Variants in GTF2E2 observed in about 807,000 individuals in gnomAD.
The protein encoded by GTF2E2 is general transcription factor IIE subunit 2, also known as transcription initiation factor IIE subunit beta.
GTF2E2 carries 21 observed loss-of-function variants against 40.5 expected under a neutral mutation model. The observed-to-expected ratio is 0.52, with a 90% CI of 0.37 to 0.75. The LOEUF (loss-of-function observed/expected upper bound fraction) is 0.75. Ranked by LOEUF, GTF2E2 falls within the 30% of genes least tolerant of loss-of-function variation. GTF2E2 has a pLI of 0.00. For missense variants in GTF2E2, 298 were observed against 338.4 expected (o/e 0.88, Z 0.94); for synonymous variants, 117 against 121.6 (o/e 0.96, Z 0.25).
At chr8:30,651,294 T>C (rs1802268571) in intron 2 of GTF2E2, among the ~76,000 whole-genome samples, 1 of 151,872 alleles carries the variant, frequency 6.6e-6, no homozygotes, top group African/African-American at 2.4e-5. Context: ...TAGAAAATCC[T>C]AGGGAAACCA....
At chr8:30,651,142 A>G (rs1802262878) in intron 2 of GTF2E2, among the ~76,000 whole-genome samples, 1 of 152,184 alleles carries the variant, frequency 6.6e-6, no homozygotes, top group Non-Finnish European at 1.5e-5. Flanking sequence ...TGCCCCTAAG[A>G]TCAGGAACAA....
At chr8:30,581,044 A>G (rs1248704549) in intron 6 of GTF2E2, among the ~76,000 whole-genome samples, 1 of 152,170 alleles carries the variant, frequency 6.6e-6, no homozygotes, top group African/African-American at 2.4e-5. Flanking sequence ...ACCAAGAGAG[A>G]CCACAATTGG....
At chr8:30,588,220 A>G (rs1483113316) in intron 6 of GTF2E2, among the ~76,000 whole-genome samples, 2 of 152,178 alleles carry the variant, frequency 1.3e-5, no homozygotes, top group Non-Finnish European at 2.9e-5. Flanking sequence ...CCACTTCTGG[A>G]TATTTATTCT....
intron 3 of GTF2E2, among the ~76,000 whole-genome samples, chr8:30,633,238 G>T (rs976104933): frequency 5.9e-5 from 9 of 152,000 alleles, no homozygotes; most frequent in Non-Finnish European, 4.4e-5. Flanking sequence ...ATCAATAAAT[G>T]ATTTGAAAGA....
chr8:30,607,238 A>C, intron 5 of GTF2E2, 88 bp from the exon 6 acceptor site: 1 of 550,948 alleles, frequency 1.8e-6, no homozygotes, highest in Non-Finnish European at 3.2e-6. Flanking sequence ...AAGGAGTTTC[A>C]TTTCCTTAAC....
chr8:30,619,938 A>C (rs1203860068), intron 3 of GTF2E2, among the ~76,000 whole-genome samples: 1 of 151,990 alleles, frequency 6.6e-6, no homozygotes, highest in African/African-American at 2.4e-5. Context: ...TGTCCCTTAA[A>C]AGGGAAAGAG....
Position 30,607,014 on chromosome 8 carries a change from T to A in GTF2E2, c.643+43A>T, listed in dbSNP as rs775719207. ...AATATTAATTTTACCACCCTAAAAT[T>A]GTAATATACTTGCAAACTAAAGTAT... On this transcript the variant is annotated intron_variant, in intron 6 of 7. Coordinates refer to ENST00000355904, the MANE Select transcript of GTF2E2 (RefSeq NM_002095.6). 3 of 706,582 alleles carry A rather than the reference T, an allele frequency of 4.2e-6. No individual in the cohort carries two copies. In the Admixed American group the frequency reaches 8.0e-5, roughly 19 times the overall value. 43.8% of individuals were successfully genotyped at this position (706,582 alleles called of 1,614,324 possible).
At chr8:30,620,074 T>A (rs957460753) in intron 3 of GTF2E2, among the ~76,000 whole-genome samples, 9 of 152,046 alleles carry the variant, frequency 5.9e-5, no homozygotes, top group Admixed American at 3.9e-4. Context: ...CTCCCCTTTA[T>A]GTCTCCAGAA....
At chr8:30,596,246 C>T (rs1422030935) in intron 6 of GTF2E2, among the ~76,000 whole-genome samples, 3 of 152,126 alleles carry the variant, frequency 2.0e-5, no homozygotes, top group African/African-American at 7.2e-5. Flanking sequence ...GCCCCGTTTT[C>T]TTTCTTTTCC....
chr8:30,620,765 C>CAAAAA (rs754974238), intron 3 of GTF2E2, among the ~76,000 whole-genome samples: 1 of 131,156 alleles, frequency 7.6e-6, no homozygotes, highest in Non-Finnish European at 1.6e-5. Flanking sequence ...CTCGACTCCA[C>CAAAAA]AAAAAAAAAA....
intron 3 of GTF2E2, among the ~76,000 whole-genome samples, chr8:30,630,910 C>T (rs902420188): frequency 6.6e-6 from 1 of 152,116 alleles, no homozygotes; most frequent in East Asian, 1.9e-4. Context: ...TCCCCCTACA[C>T]CCCCACCTCC....
chr8:30,608,680 C>T (rs1416906281), intron 5 of GTF2E2, among the ~76,000 whole-genome samples: 1 of 152,156 alleles, frequency 6.6e-6, no homozygotes, highest in Non-Finnish European at 1.5e-5. Flanking sequence ...GAAATACTTA[C>T]TGGGGGCCAG....
rs760000277 is a variant in GTF2E2 at position 30,638,198 on chromosome 8, A to T, written c.167-3075T>A. Among the ~76,000 whole-genome samples, 6 of 152,182 alleles carry T rather than the reference A, an allele frequency of 3.9e-5. 1 individual carries two copies. The highest frequency in any genetic ancestry group is 2.6e-4 in the Admixed American group (4 of 15,264). On this transcript the variant is annotated intron_variant, in intron 2 of 7. Coordinates refer to ENST00000355904, the MANE Select transcript of GTF2E2 (RefSeq NM_002095.6). ...ATGAAAGAAAAGGAAGAACAAGAAA[A>T]ATTTATAAGATTTTATGCACACTTC...
chr8:30,608,065 G>A (rs761763985), intron 5 of GTF2E2, among the ~76,000 whole-genome samples: 12 of 152,102 alleles, frequency 7.9e-5, no homozygotes, highest in Non-Finnish European at 1.5e-4. Flanking sequence ...AAAAAATTTT[G>A]TATTTTCTAC....
At chr8:30,618,460 C>T (rs1585970775) in intron 3 of GTF2E2, among the ~76,000 whole-genome samples, 1 of 152,224 alleles carries the variant, frequency 6.6e-6, no homozygotes, top group African/African-American at 2.4e-5. Flanking sequence ...CTGGGAATCT[C>T]ACATGACAAA....
At chr8:30,645,308 G>A in intron 2 of GTF2E2, 1 of 1,533,730 alleles carries the variant, frequency 6.5e-7, no homozygotes, top group Non-Finnish European at 8.7e-7. Context: ...GAATCTCTAA[G>A]AATGGCTTCC....
intron 6 of GTF2E2, among the ~76,000 whole-genome samples, 169 bp from the exon 7 acceptor site, chr8:30,580,565 G>A (rs4733500): frequency 6.6e-6 from 1 of 152,174 alleles, no homozygotes; most frequent in African/African-American, 2.4e-5. Context: ...ACGGTGCAGG[G>A]AAAGGCCTGG....
At chr8:30,639,711 C>T (rs1030491111) in intron 2 of GTF2E2, among the ~76,000 whole-genome samples, 3 of 151,982 alleles carry the variant, frequency 2.0e-5, no homozygotes, top group Admixed American at 2.0e-4. Flanking sequence ...ACCTAAAGAG[C>T]CAGCTTCTGT....
chr8:30,605,012 T>C (rs894832218), intron 6 of GTF2E2, among the ~76,000 whole-genome samples: 6 of 152,196 alleles, frequency 3.9e-5, no homozygotes, highest in African/African-American at 1.2e-4. Context: ...ACATCTGGGC[T>C]TCCCACTGCT....
Sources: allele counts gnomAD v4.1 joint callset (sites outside exome capture counted in the v4.1 genomes callset), GRCh38; gene constraint gnomAD v4.1.1; transcripts MANE v1.5; gene names NCBI Gene and HGNC (gene_info 2026-07-23, HGNC 2026-07-21).